CRACDL: variants seen among roughly 807,000 people sequenced by gnomAD.
The protein encoded by CRACDL is CRACD-like protein.
CRACDL carries 26 observed loss-of-function variants against 70.6 expected under a neutral mutation model. The observed-to-expected ratio is 0.37, with a 90% CI of 0.27 to 0.51. The LOEUF is 0.51. Ranked by LOEUF, CRACDL falls within the 20% of genes least tolerant of loss-of-function variation. The pLI is 0.94. For synonymous variants in CRACDL, 618 were observed against 615.2 expected (o/e 1.00, Z -0.07); for missense variants, 1,283 against 1,376.9 (o/e 0.93, Z 1.08).
At position 98,822,670 on chromosome 2, in the gene CRACDL, C is replaced by G; in HGVS notation, c.1603G>C (p.Ala535Pro). Residue 535 changes from alanine (A) to proline (P), a missense_variant, in exon 7 of 10, where the codon GCC becomes CCC. Coordinates refer to ENST00000397899, the MANE Select transcript of CRACDL (RefSeq NM_207362.3). The surrounding 1 kb of genome is among the most constrained non-coding windows in gnomAD (Gnocchi z 4.9). ...TCGGCCTTGGGGCGCTCCGGGGCGGCGGCCTCTGCGTCGAGGGAACCGGGG... is the reference window on the plus strand; with the variant it reads ...TCGGCCTTGGGGCGCTCCGGGGCGGGGGCCTCTGCGTCGAGGGAACCGGGG... Reference protein sequence around the residue: ...PGPGSLDAEAAAPERPKAERA... With the variant: ...PGPGSLDAEAPAPERPKAERA... The G allele has an allele frequency of 7.8e-7, 1 of 1,281,456 alleles. No homozygotes were observed. The highest frequency in any genetic ancestry group is 9.8e-7 in the Non-Finnish European group (1 of 1,017,742). The allele number at this position is 1,281,456 out of a possible 1,614,324, so 79.4% of individuals were successfully genotyped here.
At chr2:98,852,913 C>G (rs921459521) in intron 1 of CRACDL, among the ~76,000 whole-genome samples, 1 of 137,518 alleles carries the variant, frequency 7.3e-6, no homozygotes, top group Admixed American at 7.8e-5. Flanking sequence ...TGTGAAGAAG[C>G]AGGAGAGAGA....
chr2:98,918,531 T>C (rs1208248334), intron 1 of CRACDL, among the ~76,000 whole-genome samples: 1 of 102,290 alleles, frequency 9.8e-6, no homozygotes, highest in East Asian at 2.7e-4. Context: ...GAGCAAGATG[T>C]TGTCTACCAA....
chr2:98,865,735 C>A (rs181442385), intron 1 of CRACDL, among the ~76,000 whole-genome samples: 6 of 151,584 alleles, frequency 4.0e-5, no homozygotes, highest in African/African-American at 7.3e-5. Context: ...ACCAAAGAGG[C>A]GTCAAGACCG....
chr2:98,796,406 GC>G, intron 8 of CRACDL, 142 bp from the exon 9 acceptor site: 1 of 749,482 alleles, frequency 1.3e-6, no homozygotes, highest in Non-Finnish European at 2.2e-6. Flanking sequence ...CCTGGTGTCA[GC>G]TCACTAACAC....
At chr2:98,841,155 A>AT (rs1370405227) in intron 2 of CRACDL, among the ~76,000 whole-genome samples, 1 of 152,134 alleles carries the variant, frequency 6.6e-6, no homozygotes, top group African/African-American at 2.4e-5. Context: ...TCTGTATCCT[A>AT]TTACTATCCT....
intron 1 of CRACDL, among the ~76,000 whole-genome samples, chr2:98,899,619 G>T (rs1708214140): frequency 6.6e-6 from 1 of 152,240 alleles, no homozygotes; most frequent in Non-Finnish European, 1.5e-5. Flanking sequence ...AGTCAGAGGG[G>T]CCCAGTGAGA....
At chr2:98,931,324 CAAAAAAAAAA>C (rs530900049) in intron 1 of CRACDL, among the ~76,000 whole-genome samples, 7 of 96,262 alleles carry the variant, frequency 7.3e-5, no homozygotes, top group Non-Finnish European at 1.3e-4. Context: ...GACTCCATCT[CAAAAAAAAAA>C]AAAAAAAAAA....
chr2:98,910,031 C>T (rs777354787), intron 1 of CRACDL, among the ~76,000 whole-genome samples: 5 of 152,180 alleles, frequency 3.3e-5, no homozygotes, highest in African/African-American at 4.8e-5. Context: ...TCTCCCACAT[C>T]GCACTTTCCC....
intron 1 of CRACDL, among the ~76,000 whole-genome samples, chr2:98,848,450 G>A (rs550363246): frequency 1.3e-5 from 2 of 152,246 alleles, no homozygotes; most frequent in Non-Finnish European, 2.9e-5. Context: ...GGGTGGCCTA[G>A]GAGTCACCAT....
intron 1 of CRACDL, among the ~76,000 whole-genome samples, chr2:98,932,366 C>T (rs1002367923): frequency 1.3e-5 from 2 of 152,208 alleles, no homozygotes. Context: ...CCTCCCCTTC[C>T]AAATCCAGTG....
intron 2 of CRACDL, among the ~76,000 whole-genome samples, chr2:98,845,177 C>G (rs1462792360): frequency 6.7e-6 from 1 of 149,436 alleles, no homozygotes; most frequent in African/African-American, 2.5e-5. Context: ...TGCCATTTTC[C>G]TTTTCTTTTC....
chr2:98,848,152 C>T (rs1261542781), intron 1 of CRACDL, among the ~76,000 whole-genome samples: 1 of 152,224 alleles, frequency 6.6e-6, no homozygotes, highest in Non-Finnish European at 1.5e-5. Flanking sequence ...TCCTTTACCA[C>T]TGTTTTAGGC....
intron 1 of CRACDL, among the ~76,000 whole-genome samples, chr2:98,933,950 G>A (rs1325886074): frequency 6.6e-6 from 1 of 152,152 alleles, no homozygotes; most frequent in Non-Finnish European, 1.5e-5. Context: ...ATTCCTCATA[G>A]AAGGCGCCTC....
intron 1 of CRACDL, among the ~76,000 whole-genome samples, chr2:98,891,755 A>G (rs1362329218): frequency 6.6e-6 from 1 of 152,092 alleles, no homozygotes; most frequent in Non-Finnish European, 1.5e-5. Context: ...TTTATTTCAA[A>G]CCTTTTCCAC....
intron 1 of CRACDL, among the ~76,000 whole-genome samples, chr2:98,918,250 T>C (rs999210337): frequency 9.9e-5 from 15 of 152,146 alleles, no homozygotes; most frequent in Non-Finnish European, 1.0e-4. Flanking sequence ...AGTGTAGAAG[T>C]GGCTGGGTGC....
chr2:98,875,187 C>T (rs1707453051), intron 1 of CRACDL, among the ~76,000 whole-genome samples: 1 of 152,240 alleles, frequency 6.6e-6, no homozygotes, highest in Non-Finnish European at 1.5e-5. Context: ...AGGCACGGCC[C>T]CCCGCCCATG....
chr2:98,839,656 T>G (rs1705934701), intron 2 of CRACDL, among the ~76,000 whole-genome samples: 1 of 152,254 alleles, frequency 6.6e-6, no homozygotes. Context: ...TTGTTCAAAC[T>G]ATATTTCTTC....
intron 5 of CRACDL, among the ~76,000 whole-genome samples, chr2:98,829,315 C>T (rs1412292078): frequency 6.6e-6 from 1 of 152,242 alleles, no homozygotes; most frequent in Non-Finnish European, 1.5e-5. Flanking sequence ...ACCTGTGCCC[C>T]AGGTACAAGC....
intron 1 of CRACDL, among the ~76,000 whole-genome samples, chr2:98,868,774 T>C (rs535255371): frequency 1.3e-5 from 2 of 152,336 alleles, no homozygotes; most frequent in African/African-American, 4.8e-5. Flanking sequence ...ATGGTAAGAA[T>C]GGCACACTCT....
Sources: allele counts gnomAD v4.1 joint callset (sites outside exome capture counted in the v4.1 genomes callset), GRCh38; gene constraint gnomAD v4.1.1; non-coding constraint Gnocchi (gnomAD v3.1); transcripts MANE v1.5; gene names NCBI Gene and HGNC (gene_info 2026-07-23, HGNC 2026-07-21).